Variants in EPM2A observed in about 807,000 individuals in gnomAD.
EPM2A encodes laforin.
A neutral mutation model predicts 26.5 loss-of-function variants in EPM2A; 21 were observed. The observed-to-expected ratio is 0.79, with a 90% CI of 0.56 to 1.14. The LOEUF (loss-of-function observed/expected upper bound fraction) is 1.14, where lower values mean the gene tolerates loss of function less well. Ranked by LOEUF, EPM2A falls within the 50% of genes most tolerant of loss-of-function variation. The probability of loss-of-function intolerance (pLI) is 0.00; values close to 1 mark genes in which losing one functional copy is unlikely to be tolerated. For synonymous variants in EPM2A, 217 were observed against 177.6 expected (o/e 1.22, Z -1.76); for missense variants, 458 against 440.8 (o/e 1.04, Z -0.35).
intron 3 of EPM2A, chr6:145,630,241 A>G (rs943582012): frequency 5.3e-5 from 8 of 152,220 alleles, no homozygotes; most frequent in African/African-American, 1.9e-4. Context: ...GCCATCAGTG[A>G]TCTTCTCCCG....
At chr6:145,467,908 T>C (rs1019868446) in intron 4 of EPM2A, among the ~76,000 whole-genome samples, 3 of 152,122 alleles carry the variant, frequency 2.0e-5, no homozygotes, top group African/African-American at 7.2e-5. Context: ...TTACCCTATA[T>C]GGAAATATTA....
At chr6:145,423,309 T>C (rs1778812670) in intron 4 of EPM2A, among the ~76,000 whole-genome samples, 1 of 152,160 alleles carries the variant, frequency 6.6e-6, no homozygotes, top group South Asian at 2.1e-4. Context: ...AAATTTTATG[T>C]TTTGTTTATA....
chr6:145,449,832 C>T (rs1779173478), intron 4 of EPM2A, among the ~76,000 whole-genome samples: 1 of 148,656 alleles, frequency 6.7e-6, no homozygotes, highest in Admixed American at 6.9e-5. Flanking sequence ...AGAGAAAAAG[C>T]CCTGTTAATT....
intron 2 of EPM2A, among the ~76,000 whole-genome samples, chr6:145,525,663 T>A (rs1009531141): frequency 1.3e-4 from 20 of 152,170 alleles, no homozygotes; most frequent in African/African-American, 4.8e-4. Flanking sequence ...AAAACTTTAC[T>A]ATAGCTGTTT....
At chr6:145,435,621 T>A (rs867825055) in intron 4 of EPM2A, among the ~76,000 whole-genome samples, 1 of 152,000 alleles carries the variant, frequency 6.6e-6, no homozygotes, top group Non-Finnish European at 1.5e-5. Context: ...GTAGGGTACC[T>A]GTGCTTTTTA....
At chr6:145,407,207 C>A (rs1778581023) in intron 4 of EPM2A, among the ~76,000 whole-genome samples, 1 of 152,026 alleles carries the variant, frequency 6.6e-6, no homozygotes, top group Admixed American at 6.6e-5. Context: ...CTGATGAAAC[C>A]ATGTCCATAT....
In EPM2A at chr6:145,403,692, A is replaced by G. The variant is rs1416174717; in HGVS notation, c.556-19595T>C. Among the ~76,000 whole-genome samples the G allele has an allele frequency of 2.0e-5, 3 of 152,124 alleles. No homozygotes were observed. In the East Asian group the frequency reaches 5.8e-4, roughly 29 times the overall value. On this transcript the variant is annotated intron_variant, in intron 4 of 4. Transcript: ENST00000638717. The stretch of plus-strand genomic sequence containing the variant: ...TGATGGGCATTTAGTGTGCTTCCAA[A>G]TCTTAGCTATTATAAACAGTGTTGC...
At chr6:145,681,152 G>A (rs1196507993) in intron 2 of EPM2A, among the ~76,000 whole-genome samples, 1 of 151,738 alleles carries the variant, frequency 6.6e-6, no homozygotes. Context: ...GTGATGATGA[G>A]CATTTTTTCA....
At chr6:145,419,857 A>T (rs1778759681) in intron 4 of EPM2A, among the ~76,000 whole-genome samples, 1 of 152,186 alleles carries the variant, frequency 6.6e-6, no homozygotes, top group African/African-American at 2.4e-5. Flanking sequence ...TACAAATAAT[A>T]GTTTAAATAA....
chr6:145,688,945 T>C (rs1781104128), intron 1 of EPM2A, among the ~76,000 whole-genome samples: 1 of 152,182 alleles, frequency 6.6e-6, no homozygotes, highest in South Asian at 2.1e-4. Context: ...AAGGAGCGGG[T>C]GTTACTTTTT....
intron 2 of EPM2A, among the ~76,000 whole-genome samples, chr6:145,656,296 G>A (rs1778277892): frequency 6.6e-6 from 1 of 152,118 alleles, no homozygotes; most frequent in Non-Finnish European, 1.5e-5. Flanking sequence ...GGAAGGAGAG[G>A]GATGCCAGGA....
chr6:145,464,572 TG>T (rs1467716810), intron 4 of EPM2A, among the ~76,000 whole-genome samples: 1 of 152,192 alleles, frequency 6.6e-6, no homozygotes, highest in Non-Finnish European at 1.5e-5. Context: ...TCTTTTAAAA[TG>T]TTTTTCAGCT....
chr6:145,448,890 G>A (rs2114707007), intron 4 of EPM2A, among the ~76,000 whole-genome samples: 1 of 152,246 alleles, frequency 6.6e-6, no homozygotes, highest in South Asian at 2.1e-4. Context: ...TAACTTATGA[G>A]TTACACCGAT....
At chr6:145,533,701 TCTC>T (rs954571252) in intron 2 of EPM2A, among the ~76,000 whole-genome samples, 1 of 152,118 alleles carries the variant, frequency 6.6e-6, no homozygotes, top group Non-Finnish European at 1.5e-5. Flanking sequence ...AGTTCAAATG[TCTC>T]CTCCTCAGAA....
chr6:145,695,687 TAAAGAAAGAC>T (rs1315373753), intron 1 of EPM2A, among the ~76,000 whole-genome samples: 1 of 151,954 alleles, frequency 6.6e-6, no homozygotes, highest in Non-Finnish European at 1.5e-5. Context: ...CAAACATCAG[TAAAGAAAGAC>T]AAAGAAGGTA....
chr6:145,439,921 C>T (rs759696610), intron 4 of EPM2A, among the ~76,000 whole-genome samples: 4 of 152,054 alleles, frequency 2.6e-5, no homozygotes, highest in South Asian at 2.1e-4. Flanking sequence ...GTATGTCCTA[C>T]GTTATCTTTC....
At chr6:145,708,068 G>C (rs1421971861) in intron 1 of EPM2A, among the ~76,000 whole-genome samples, 1 of 152,210 alleles carries the variant, frequency 6.6e-6, no homozygotes, top group Non-Finnish European at 1.5e-5. Flanking sequence ...TATGCAAAGA[G>C]ACTCGCACCA....
At chr6:145,460,130 G>T (rs1428086517) in intron 4 of EPM2A, among the ~76,000 whole-genome samples, 1 of 152,184 alleles carries the variant, frequency 6.6e-6, no homozygotes, top group Non-Finnish European at 1.5e-5. Flanking sequence ...TCTCAGAGGA[G>T]ATAGGTAAGG....
intron 2 of EPM2A, among the ~76,000 whole-genome samples, chr6:145,580,456 T>C (rs1171487154): frequency 6.6e-6 from 1 of 152,010 alleles, no homozygotes; most frequent in Non-Finnish European, 1.5e-5. Flanking sequence ...CATTTTATTT[T>C]TACTATATCT....
Sources: gnomAD v4.1 joint callset for allele counts (sites outside exome capture counted in the v4.1 genomes callset) on GRCh38, gnomAD v4.1.1 for gene constraint, MANE v1.5 for transcripts, NCBI Gene and HGNC (gene_info 2026-07-23, HGNC 2026-07-21) for gene names.